Variants in ADAMTS7 observed in about 807,000 individuals in gnomAD.
The protein encoded by ADAMTS7 is A disintegrin and metalloproteinase with thrombospondin motifs 7.
ADAMTS7 carries 89 observed loss-of-function variants against 172.6 expected under a neutral mutation model. That is an observed-to-expected ratio of 0.52 (90% confidence interval 0.43 to 0.61). The LOEUF (loss-of-function observed/expected upper bound fraction) is 0.61. Ranked by LOEUF, ADAMTS7 falls within the 20% of genes least tolerant of loss-of-function variation. ADAMTS7 has a pLI of 0.00. For synonymous variants in ADAMTS7, 885 were observed against 978.4 expected, an observed-to-expected ratio of 0.90 and a Z score of 1.78; for missense variants, 1,973 against 2,355.6, an observed-to-expected ratio of 0.84 and a Z score of 3.36.
At chr15:78,768,429 T>C (rs1373158470) in intron 16 of ADAMTS7, among the ~76,000 whole-genome samples, 170 bp from the exon 17 acceptor site, 1 of 152,162 alleles carries the variant, frequency 6.6e-6, no homozygotes, top group Non-Finnish European at 1.5e-5. Flanking sequence ...GCCTCCTCAC[T>C]GTCCTCCTGG....
At chr15:78,762,057 TC>T (rs1367575741) in intron 23 of ADAMTS7, 1 of 985,226 alleles carries the variant, frequency 1.0e-6, no homozygotes, top group East Asian at 1.1e-4. Context: ...CTCAGGGACA[TC>T]CCTGGTCTCA....
chr15:78,796,633 C>G lies in ADAMTS7; in HGVS notation c.776G>C (p.Gly259Ala). ...VADAKMVEYH[G>A]QPQVESYVLT... ...CACATAGCTCTCAACCTGCGGCTGT[C>G]CGTGGTACTCCACCATTTTGGCATC... The change falls in exon 4 of 24, where the codon GGA becomes GCA. Residue 259 changes from glycine to alanine, a missense_variant. Coordinates refer to ENST00000388820, the MANE Select transcript of ADAMTS7 (RefSeq NM_014272.5). The G allele has an allele frequency of 6.2e-7, 1 of 1,614,112 alleles. No individual in the cohort carries two copies. Among genetic ancestry groups the G allele is most frequent in the Non-Finnish European group, 8.5e-7 (1 of 1,180,000 alleles).
In ADAMTS7 at chr15:78,759,953, C is replaced by T. The variant is rs1454687581; in HGVS notation, c.4904-375G>A. 1.3e-5 allele frequency among the ~76,000 whole-genome samples: 2 copies of T among 152,184 alleles called. 1 individual carries two copies. Among genetic ancestry groups the T allele is most frequent in the African/African-American group, 4.8e-5 (2 of 41,438 alleles). On this transcript the variant is annotated intron_variant, in intron 23 of 23. Coordinates refer to ENST00000388820, the MANE Select transcript of ADAMTS7 (RefSeq NM_014272.5). ...ACAGATCCTGGCACAGAACTGCGGTCCCGGGGCCTCCTGCCAGCCTGCAGC... is the reference window on the plus strand; with the variant it reads ...ACAGATCCTGGCACAGAACTGCGGTTCCGGGGCCTCCTGCCAGCCTGCAGC...
chr15:78,782,100 T>C (rs916358105), intron 8 of ADAMTS7, among the ~76,000 whole-genome samples: 4 of 151,978 alleles, frequency 2.6e-5, no homozygotes, highest in Admixed American at 6.6e-5. Flanking sequence ...GGTGTGATCT[T>C]GGCTCACTGC....
At chr15:78,780,723 G>T (rs1339620844) in intron 8 of ADAMTS7, among the ~76,000 whole-genome samples, 2 of 152,082 alleles carry the variant, frequency 1.3e-5, no homozygotes, top group Non-Finnish European at 2.9e-5. Context: ...CCCTATACTC[G>T]CATGGCCCCG....
Position 78,798,038 on chromosome 15 carries a change from C to T in ADAMTS7, c.532G>A (p.Ala178Thr), listed in dbSNP as rs560806282. The change falls in exon 3 of 24, where the codon GCC (alanine) becomes ACC (threonine). Residue 178 changes from alanine to threonine, a missense_variant. Around this residue, in one of 8 missense-constraint regions of ADAMTS7, gnomAD observed 306 missense variants for 288.0 expected, o/e 1.06. Coordinates refer to ENST00000388820, the MANE Select transcript of ADAMTS7 (RefSeq NM_014272.5). ...LDSAPARPGH[A>T]QPHVVYKRQA... Reference sequence around the variant, plus strand: ...CGCTTGTACACCACATGGGGCTGGGCGTGGCCAGGCCGGGCCGGGGCACTG... The same window carrying T: ...CGCTTGTACACCACATGGGGCTGGGTGTGGCCAGGCCGGGCCGGGGCACTG... 2.2e-5 allele frequency: 35 copies of T among 1,569,594 alleles called. No individual in the cohort carries two copies. In the African/African-American group the frequency reaches 2.7e-4, roughly 12 times the overall value.
Position 78,764,026 on chromosome 15 carries a change from A to G in ADAMTS7, c.4493T>C (p.Leu1498Pro), listed in dbSNP as rs1205614333. The G allele has an allele frequency of 1.3e-6, 2 of 1,541,558 alleles. No individual in the cohort carries two copies. The highest frequency in any genetic ancestry group is 8.8e-7 in the Non-Finnish European group (1 of 1,142,618). The change falls in exon 21 of 24, where the codon CTG becomes CCG. Residue 1498 changes from leucine to proline, a missense_variant. Around this residue, in one of 8 missense-constraint regions of ADAMTS7, gnomAD observed 218 missense variants for 216.9 expected, o/e 1.01. Transcript: ENST00000388820. ...QCVDTRDLRP[L>P]RPFHCQPGPA... ...CCCGGGCTGACAATGGAAGGGCCGC[A>G]GTGGCCGGAGGTCCCGTGTGTCCAC...
chr15:78,767,664 C>G, intron 17 of ADAMTS7, 72 bp from the exon 18 acceptor site: 5 of 1,398,444 alleles, frequency 3.6e-6, no homozygotes, highest in Non-Finnish European at 4.8e-6. Flanking sequence ...GCAGGGGGGG[C>G]CAGGCTGGGC....
chr15:78,796,516 G>A, intron 4 of ADAMTS7, 74 bp downstream of exon 4: 3 of 1,522,680 alleles, frequency 2.0e-6, no homozygotes. Flanking sequence ...CAGCCTTCCT[G>A]CCCTGCACCC....
chr15:78,762,418 G>T lies in ADAMTS7; in HGVS notation c.4888C>A (p.Pro1630Thr). 6.7e-7 allele frequency: 1 copy of T among 1,499,600 alleles called. No homozygotes were observed. Among genetic ancestry groups the T allele is most frequent in the Non-Finnish European group, 8.9e-7 (1 of 1,122,566 alleles). The allele number at this position is 1,499,600 out of a possible 1,614,324, so 92.9% of individuals were successfully genotyped here. A position where few individuals can be genotyped will look rare whatever the true frequency, so the allele number is the denominator to read the frequency against. ...SRPCGTEDCE[P>T]VEPPRCERDR... is the part of the protein sequence containing the mutation. ...GGGGACTCACGGGGAGGCTCGACGGGCTCACAATCCTCGGTGCCACACGGC... is the reference window on the plus strand; with the variant it reads ...GGGGACTCACGGGGAGGCTCGACGGTCTCACAATCCTCGGTGCCACACGGC... The change falls in exon 23 of 24, where the codon CCC (proline) becomes ACC (threonine). Residue 1630 changes from proline (P) to threonine (T), a missense_variant. This residue lies in a region of ADAMTS7 where 94 missense variants were observed against 95.4 expected (regional missense o/e 0.99). Coordinates refer to ENST00000388820, the MANE Select transcript of ADAMTS7 (RefSeq NM_014272.5).
intron 4 of ADAMTS7, among the ~76,000 whole-genome samples, chr15:78,791,673 A>G (rs796302811): frequency 3.9e-5 from 6 of 152,358 alleles, no homozygotes; most frequent in African/African-American, 1.4e-4. Context: ...TGCCAGGACC[A>G]GCATCCCAGG....
In ADAMTS7 at chr15:78,767,596, G is replaced by A; in HGVS notation, c.2646-4C>T. 6.5e-7 allele frequency: 1 copy of A among 1,536,246 alleles called. No individual in the cohort carries two copies. Among genetic ancestry groups the A allele is most frequent in the South Asian group, 1.2e-5 (1 of 82,480 alleles). On this transcript the variant is annotated splice_polypyrimidine_tract_variant and splice_region_variant and intron_variant, in intron 17 of 23. Transcript: ENST00000388820. ...CTGCCACTCACCTGCCCACCACCTG[G>A]CGAGGGCACACAGGTGGCATCAGTG... is the stretch of plus-strand genomic sequence containing the variant.
Position 78,766,747 on chromosome 15 carries a change from G to A in ADAMTS7, c.3164C>T (p.Pro1055Leu), listed in dbSNP as rs755127649. ...GAAGTCGTCCACAAACACGGGCCCC[G>A]GCAGGTCCAGCTCTGGAGCCTCCTC... ...IEEEAPELDL[P>L]GPVFVDDFYY... Residue 1055 changes from proline (P) to leucine (L), a missense_variant, in exon 19 of 24, where the codon CCG (proline) becomes CTG (leucine). Physicochemically the swap from Pro to Leu is moderately conservative, Grantham distance 98. Coordinates refer to ENST00000388820, the MANE Select transcript of ADAMTS7 (RefSeq NM_014272.5). 6.1e-5 allele frequency: 99 copies of A among 1,610,462 alleles called. No homozygotes were observed. The Middle Eastern group carries it at 1.6e-3, about 26-fold the overall frequency.
intron 3 of ADAMTS7, 32 bp from the exon 4 acceptor site, chr15:78,796,818 C>T: frequency 6.3e-7 from 1 of 1,576,640 alleles, no homozygotes. Flanking sequence ...AGTTAGCTGC[C>T]AGTGGACAGG....
intron 4 of ADAMTS7, among the ~76,000 whole-genome samples, chr15:78,793,017 GC>G (rs1567233810): frequency 6.6e-6 from 1 of 152,130 alleles, no homozygotes; most frequent in African/African-American, 2.4e-5. Flanking sequence ...CCTGAAGGTG[GC>G]TGTGGGTCAG....
chr15:78,792,704 C>T (rs2141512910), intron 4 of ADAMTS7, among the ~76,000 whole-genome samples: 1 of 152,230 alleles, frequency 6.6e-6, no homozygotes, highest in East Asian at 1.9e-4. Context: ...TCCCAGCCCC[C>T]TGGGAGGCTG....
At chr15:78,794,500 C>G (rs1246250956) in intron 4 of ADAMTS7, among the ~76,000 whole-genome samples, 1 of 152,210 alleles carries the variant, frequency 6.6e-6, no homozygotes, top group African/African-American at 2.4e-5. Context: ...ATGCTGGGCT[C>G]ACCAGCTCAG....
chr15:78,765,508 C>T, intron 19 of ADAMTS7, 137 bp downstream of exon 19: 3 of 1,407,578 alleles, frequency 2.1e-6, no homozygotes, highest in Non-Finnish European at 2.9e-6. Flanking sequence ...TCCCCTCATC[C>T]CCCTAATCCT....
At chr15:78,779,057 A>G (rs2004039) in intron 8 of ADAMTS7, among the ~76,000 whole-genome samples, 116,821 of 151,806 alleles carry the variant, frequency 0.77, 45,617 homozygotes, top group East Asian at 0.9. Context: ...GGTCTCCTAA[A>G]TCCCCCGACC....
Sources: allele counts gnomAD v4.1 joint callset (sites outside exome capture counted in the v4.1 genomes callset), GRCh38; gene constraint gnomAD v4.1.1; regional missense constraint gnomAD v4.1.1; transcripts MANE v1.5; gene names NCBI Gene and HGNC (gene_info 2026-07-23, HGNC 2026-07-21).